Variants in MCHR2 observed in about 807,000 individuals in gnomAD.
The protein encoded by MCHR2 is melanin concentrating hormone receptor 2.
Under a neutral mutation model 24.8 loss-of-function variants are expected in MCHR2, and 15 were observed. That is an observed-to-expected ratio of 0.60 (90% CI 0.40 to 0.93). The LOEUF (loss-of-function observed/expected upper bound fraction) is 0.93, where lower values mean the gene tolerates loss of function less well. MCHR2 is among the 40% of genes least tolerant of loss of function. The pLI, the probability that MCHR2 is intolerant of heterozygous loss-of-function variation, is 0.00. For missense variants in MCHR2, 386 were observed against 408.7 expected, an observed-to-expected ratio of 0.94 and a Z score of 0.48; for synonymous variants, 151 against 147.6, an observed-to-expected ratio of 1.02 and a Z score of -0.17.
intron 3 of MCHR2, among the ~76,000 whole-genome samples, chr6:99,946,488 C>A (rs1231386569): frequency 6.6e-6 from 1 of 152,108 alleles, no homozygotes; most frequent in African/African-American, 2.4e-5. Context: ...GTGAAAGAGG[C>A]AGGGTTCAGG....
intron 2 of MCHR2, among the ~76,000 whole-genome samples, chr6:99,954,791 G>A (rs899041296): frequency 6.6e-6 from 1 of 152,144 alleles, no homozygotes; most frequent in Non-Finnish European, 1.5e-5. Flanking sequence ...GGGTGGCTGA[G>A]AGAGTGACGC....
At chr6:99,947,320 A>G (rs1164767616) in intron 3 of MCHR2, among the ~76,000 whole-genome samples, 1 of 152,132 alleles carries the variant, frequency 6.6e-6, no homozygotes, top group African/African-American at 2.4e-5. Context: ...GAGACAGTGG[A>G]CATATCAGAA....
At position 99,920,383 on chromosome 6, in the gene MCHR2, C is replaced by T. The variant is rs1774198748; in HGVS notation, c.*557G>A. On this transcript the variant is annotated 3_prime_UTR_variant, in exon 6 of 6. Transcript: ENST00000281806. ...AACAAAGGTAATAATACTTATTTCA[C>T]AGGTTTGTTACATGTAATCTTACAC... is the stretch of plus-strand genomic sequence containing the variant. 1.3e-5 allele frequency: 2 copies of T among 152,846 alleles called. No homozygotes were observed. The highest frequency in any genetic ancestry group is 2.4e-5 in the African/African-American group (1 of 41,438). The allele number at this position is 152,846 out of a possible 1,614,324, so 9.5% of individuals were successfully genotyped here.
In MCHR2 at chr6:99,954,058, C is replaced by T. The variant is rs569949854; in HGVS notation, c.182+1908G>A. 4.6e-5 allele frequency among the ~76,000 whole-genome samples: 7 copies of T among 152,236 alleles called. No individual in the cohort carries two copies. The South Asian group carries it at 1.4e-3, about 32-fold the overall frequency. On this transcript the variant is annotated intron_variant, in intron 2 of 5. Coordinates refer to ENST00000281806, the MANE Select transcript of MCHR2 (RefSeq NM_001040179.2). The stretch of plus-strand genomic sequence containing the variant: ...ATGACCATCCTGAGGGCTCCTCTTG[C>T]TCTCAGTTAAGCCTGTGAGGATTCT...
At chr6:99,931,498 C>G (rs990602099) in intron 5 of MCHR2, among the ~76,000 whole-genome samples, 4 of 152,148 alleles carry the variant, frequency 2.6e-5, no homozygotes, top group Non-Finnish European at 5.9e-5. Context: ...CCACCCAGTT[C>G]GAGCTTCCAG....
intron 1 of MCHR2, among the ~76,000 whole-genome samples, chr6:99,972,466 G>C (rs1184917263): frequency 2.6e-5 from 4 of 151,804 alleles, no homozygotes; most frequent in Non-Finnish European, 5.9e-5. Flanking sequence ...TTCTTTATTA[G>C]TCTTGCTAGC....
At chr6:99,966,567 T>G (rs1775298956) in intron 1 of MCHR2, among the ~76,000 whole-genome samples, 1 of 152,160 alleles carries the variant, frequency 6.6e-6, no homozygotes, top group Non-Finnish European at 1.5e-5. Flanking sequence ...CTGCTAAACT[T>G]GAAGAGTGAA....
rs397774561 is a variant in MCHR2, at chr6:99,919,734, G to GTT, written c.*1204_*1205dup. 6.5e-4 allele frequency among the ~76,000 whole-genome samples: 92 copies of GTT among 140,738 alleles called. No individual in the cohort carries two copies. Among genetic ancestry groups the GTT allele is most frequent in the Admixed American group, 1.2e-3 (17 of 13,836 alleles). The allele number at this position is 140,738 out of a possible 152,430, so 92.3% of individuals were successfully genotyped here. A position where few individuals can be genotyped will look rare whatever the true frequency, so the allele number is the denominator to read the frequency against. On this transcript the variant is annotated 3_prime_UTR_variant, in exon 6 of 6. Coordinates refer to ENST00000281806, the MANE Select transcript of MCHR2 (RefSeq NM_001040179.2). ...TCTTGTTTTTTTTTTTGTTTGTTTT[G>GTT]TTTTTTTTTTTGAGATGACGTCTCA...
intron 5 of MCHR2, 38 bp from the exon 6 acceptor site, chr6:99,921,293 A>G: frequency 1.3e-6 from 2 of 1,578,714 alleles, no homozygotes; most frequent in Non-Finnish European, 1.7e-6. Flanking sequence ...GGTATAAACA[A>G]CCATAGAAAT....
At chr6:99,953,088 A>G (rs1006609664) in intron 2 of MCHR2, among the ~76,000 whole-genome samples, 17 of 152,132 alleles carry the variant, frequency 1.1e-4, no homozygotes, top group Non-Finnish European at 2.2e-4. Context: ...AAGAGTTCAC[A>G]TTGCCCATGT....
intron 5 of MCHR2, among the ~76,000 whole-genome samples, chr6:99,923,989 T>C (rs1421252614): frequency 1.3e-5 from 2 of 152,100 alleles, no homozygotes; most frequent in Non-Finnish European, 2.9e-5. Context: ...TTAGAATTTG[T>C]ATTAGCTTTT....
intron 1 of MCHR2, among the ~76,000 whole-genome samples, chr6:99,981,393 AC>A (rs1416865109): frequency 6.6e-6 from 1 of 152,174 alleles, no homozygotes; most frequent in African/African-American, 2.4e-5. Context: ...TCACTACTGG[AC>A]AGTGGCTTGT....
At chr6:99,993,005 GA>G (rs1775914480) in intron 1 of MCHR2, among the ~76,000 whole-genome samples, 2 of 151,842 alleles carry the variant, frequency 1.3e-5, no homozygotes, top group South Asian at 4.2e-4. Flanking sequence ...AACATTCATT[GA>G]AAACAGATTG....
Position 99,943,120 on chromosome 6 carries a change from A to G in MCHR2, c.416T>C (p.Phe139Ser). 1.2e-6 allele frequency: 2 copies of G among 1,610,800 alleles called. No individual in the cohort carries two copies. Among genetic ancestry groups the G allele is most frequent in the Non-Finnish European group, 1.7e-6 (2 of 1,177,974 alleles). The change falls in exon 4 of 6, where the codon TTT (phenylalanine) becomes TCT (serine). Residue 139 changes from phenylalanine (F) to serine (S), a missense_variant. Phe to Ser is a radical substitution (Grantham distance 155). Coordinates refer to ENST00000281806, the MANE Select transcript of MCHR2 (RefSeq NM_001040179.2). Reference protein sequence around the residue: ...VDRYFALVQPFRLTRWRTRYK... With the variant: ...VDRYFALVQPSRLTRWRTRYK... ...CCTTGTTCTCCAACGTGTCAGTCGA[A>G]ATGGTTGGACGAGGGCAAAGTACCT... is the stretch of plus-strand genomic sequence containing the variant.
At chr6:99,969,408 A>C (rs1183078347) in intron 1 of MCHR2, among the ~76,000 whole-genome samples, 1 of 127,526 alleles carries the variant, frequency 7.8e-6, no homozygotes. Context: ...CAGGAGGTGG[A>C]GGTTGCAGTG....
At chr6:99,921,895 G>A (rs1427452385) in intron 5 of MCHR2, among the ~76,000 whole-genome samples, 3 of 151,986 alleles carry the variant, frequency 2.0e-5, no homozygotes, top group African/African-American at 7.3e-5. Context: ...TCTGTGCCTG[G>A]TTTATTTCAC....
At chr6:99,980,449 C>T (rs755462563) in intron 1 of MCHR2, among the ~76,000 whole-genome samples, 1 of 152,124 alleles carries the variant, frequency 6.6e-6, no homozygotes, top group Non-Finnish European at 1.5e-5. Flanking sequence ...CAAGATAATT[C>T]TATAGAACTA....
At chr6:99,938,119 G>A (rs891853680) in intron 4 of MCHR2, among the ~76,000 whole-genome samples, 1 of 151,658 alleles carries the variant, frequency 6.6e-6, no homozygotes, top group African/African-American at 2.4e-5. Context: ...CTAAAGGTTT[G>A]TTGGTTTTGT....
chr6:99,931,881 T>C (rs1334710425), intron 5 of MCHR2, among the ~76,000 whole-genome samples: 2 of 152,196 alleles, frequency 1.3e-5, no homozygotes, highest in East Asian at 3.9e-4. Flanking sequence ...CCTAGTGAGA[T>C]GGACCCGGTA....
Sources: allele counts gnomAD v4.1 joint callset (sites outside exome capture counted in the v4.1 genomes callset), GRCh38; gene constraint gnomAD v4.1.1; transcripts MANE v1.5; gene names NCBI Gene and HGNC (gene_info 2026-07-23, HGNC 2026-07-21).